UNC5C: variants seen among roughly 807,000 people sequenced by gnomAD.
UNC5C encodes unc-5 netrin receptor C.
In UNC5C, 47 loss-of-function variants were observed where a neutral mutation model predicts 99.8. That is an observed-to-expected ratio of 0.47 (90% confidence interval 0.37 to 0.60). UNC5C has a LOEUF of 0.60. Ranked by LOEUF, UNC5C falls within the 20% of genes least tolerant of loss-of-function variation. The probability of loss-of-function intolerance (pLI) is 0.00; values close to 1 mark genes in which losing one functional copy is unlikely to be tolerated. For synonymous variants in UNC5C, 487 were observed against 452.2 expected (o/e 1.08, Z -0.98); for missense variants, 1,062 against 1,165.9 (o/e 0.91, Z 1.30).
intron 1 of UNC5C, among the ~76,000 whole-genome samples, chr4:95,453,454 C>T (rs553900547): frequency 1.0e-4 from 15 of 146,322 alleles, no homozygotes; most frequent in East Asian, 8.0e-4. Context: ...AATCAGACAT[C>T]GGGAGGAAAA....
chr4:95,172,887 C>T (rs1304664948), intron 14 of UNC5C, among the ~76,000 whole-genome samples: 2 of 152,070 alleles, frequency 1.3e-5, no homozygotes, highest in Non-Finnish European at 2.9e-5. Flanking sequence ...GAATGTTGTT[C>T]CATTTGTTTG....
In UNC5C at chr4:95,206,758, A is replaced by C; in HGVS notation, c.1772T>G (p.Val591Gly). 1 of 1,613,152 alleles carries C rather than the reference A, an allele frequency of 6.2e-7. No homozygotes were observed. The highest frequency in any genetic ancestry group is 8.5e-7 in the Non-Finnish European group (1 of 1,179,582). Residue 591 changes from valine (V) to glycine (G), a missense_variant, in exon 11 of 16, where the codon GTG (valine) becomes GGG (glycine). By Grantham distance (109) the Val-to-Gly change is moderately radical (BLOSUM62 -3). This residue lies in a region of UNC5C where 810 missense variants were observed against 854.5 expected (regional missense o/e 0.95). Coordinates refer to ENST00000453304, the MANE Select transcript of UNC5C (RefSeq NM_003728.4). ...MDDSQTLLTPVVSCGPPGALL... is the reference protein window; with the variant it reads ...MDDSQTLLTPGVSCGPPGALL... ...AGCTCCTGGGGGCCCACAGCTCACCACAGGGGTCAAAAGTGTCTGAGAGTC... is the reference window on the plus strand; with the variant it reads ...AGCTCCTGGGGGCCCACAGCTCACCCCAGGGGTCAAAAGTGTCTGAGAGTC...
At chr4:95,427,240 C>T (rs1232436543) in intron 1 of UNC5C, among the ~76,000 whole-genome samples, 3 of 152,084 alleles carry the variant, frequency 2.0e-5, no homozygotes, top group Non-Finnish European at 4.4e-5. Flanking sequence ...AAAGTAGTTT[C>T]CAGTGGAATC....
At chr4:95,289,981 G>A (rs1741383530) in intron 3 of UNC5C, among the ~76,000 whole-genome samples, 1 of 152,038 alleles carries the variant, frequency 6.6e-6, no homozygotes, top group East Asian at 1.9e-4. Context: ...CTCTTATTGT[G>A]GTTTGTAAAT....
At chr4:95,283,638 A>G (rs1002377859) in intron 3 of UNC5C, among the ~76,000 whole-genome samples, 3 of 152,240 alleles carry the variant, frequency 2.0e-5, no homozygotes, top group African/African-American at 7.2e-5. Flanking sequence ...ACGAATGAAT[A>G]AGAATGAAAA....
chr4:95,526,383 A>G (rs1365026237), intron 1 of UNC5C, among the ~76,000 whole-genome samples: 1 of 152,088 alleles, frequency 6.6e-6, no homozygotes, highest in Non-Finnish European at 1.5e-5. Context: ...CTGTAGATAG[A>G]CAGACATGTA....
At chr4:95,368,311 C>A (rs71601271) in intron 1 of UNC5C, among the ~76,000 whole-genome samples, 26,630 of 103,798 alleles carry the variant, frequency 0.26, 2,349 homozygotes, top group African/African-American at 0.34. Context: ...AAAAAAAAAA[C>A]CAATCAATTT....
At chr4:95,465,170 T>G (rs1184291517) in intron 1 of UNC5C, among the ~76,000 whole-genome samples, 2 of 152,020 alleles carry the variant, frequency 1.3e-5, no homozygotes, top group Non-Finnish European at 2.9e-5. Flanking sequence ...AATAAAAAAT[T>G]TAAAACAAAC....
intron 1 of UNC5C, among the ~76,000 whole-genome samples, chr4:95,467,482 T>A (rs778715724): frequency 6.6e-6 from 1 of 152,170 alleles, no homozygotes; most frequent in Admixed American, 6.5e-5. Context: ...TCTTTTCACA[T>A]TATCACTGGA....
intron 1 of UNC5C, among the ~76,000 whole-genome samples, chr4:95,479,616 T>G (rs1213072803): frequency 6.6e-6 from 1 of 151,960 alleles, no homozygotes; most frequent in Non-Finnish European, 1.5e-5. Context: ...TGAACCATCT[T>G]TCGCAGAAAG....
At chr4:95,271,816 T>A (rs1346775917) in intron 4 of UNC5C, among the ~76,000 whole-genome samples, 2 of 152,202 alleles carry the variant, frequency 1.3e-5, no homozygotes, top group Non-Finnish European at 2.9e-5. Flanking sequence ...AAACTCCAAA[T>A]CACTTACCGT....
chr4:95,311,081 G>A (rs1294186862), intron 2 of UNC5C, among the ~76,000 whole-genome samples: 1 of 151,980 alleles, frequency 6.6e-6, no homozygotes, highest in African/African-American at 2.4e-5. Flanking sequence ...TGAATGGTGG[G>A]TGTGCAAAAT....
chr4:95,228,864 A>C (rs1490622334), intron 7 of UNC5C, among the ~76,000 whole-genome samples: 2 of 152,166 alleles, frequency 1.3e-5, no homozygotes, highest in Non-Finnish European at 2.9e-5. Flanking sequence ...CCTTTACATG[A>C]AAAAAATTTC....
At chr4:95,213,236 A>G (rs1220562268) in intron 10 of UNC5C, among the ~76,000 whole-genome samples, 1 of 152,220 alleles carries the variant, frequency 6.6e-6, no homozygotes, top group East Asian at 1.9e-4. Context: ...TCATATCTTC[A>G]ATTCCAATTG....
Position 95,335,651 on chromosome 4 carries a change from T to C in UNC5C, c.125-20A>G, listed in dbSNP as rs763780902. ...CATCATCTGAGAAAGAAGAAGAAAG[T>C]GGAAGATGGTTAACACATTGTAACA... On this transcript the variant is annotated intron_variant, in intron 1 of 15. Coordinates refer to ENST00000453304, the MANE Select transcript of UNC5C (RefSeq NM_003728.4). 5.0e-6 allele frequency: 8 copies of C among 1,587,978 alleles called. No homozygotes were observed. In the South Asian group the frequency reaches 9.1e-5, roughly 18 times the overall value.
At chr4:95,201,886 G>A (rs1329236163) in intron 12 of UNC5C, among the ~76,000 whole-genome samples, 1 of 152,166 alleles carries the variant, frequency 6.6e-6, no homozygotes, top group East Asian at 1.9e-4. Context: ...TTACAGGCGT[G>A]AGCCACCACA....
intron 1 of UNC5C, among the ~76,000 whole-genome samples, chr4:95,461,948 G>T (rs77901263): frequency 1.3e-5 from 2 of 152,134 alleles, no homozygotes; most frequent in South Asian, 2.1e-4. Flanking sequence ...TTATCTTGTG[G>T]TTATATGATT....
intron 3 of UNC5C, among the ~76,000 whole-genome samples, chr4:95,296,339 G>T (rs755853990): frequency 7.9e-4 from 120 of 152,036 alleles, no homozygotes; most frequent in Non-Finnish European, 1.3e-3. Context: ...AGGGTGAAAA[G>T]GTACCTTGGA....
rs371977839 is a variant in UNC5C at position 95,250,509 on chromosome 4, T to C, written c.753A>G (p.Thr251=). ...AKNIVAKRKS[T]TATVIVYVNG... ...CACCATAGACTATGACAGTGGCAGT[T>C]GTACTTTTCCTCTTGGCAACAATGT... Residue 251 remains threonine, a synonymous_variant, in exon 5 of 16, where the codon ACA becomes ACG. Coordinates refer to ENST00000453304, the MANE Select transcript of UNC5C (RefSeq NM_003728.4). 8.7e-6 allele frequency: 14 copies of C among 1,613,914 alleles called. No homozygotes were observed. The highest frequency in any genetic ancestry group is 1.2e-5 in the Non-Finnish European group (14 of 1,179,968).
Sources: allele counts gnomAD v4.1 joint callset (sites outside exome capture counted in the v4.1 genomes callset), GRCh38; gene constraint gnomAD v4.1.1; regional missense constraint gnomAD v4.1.1; transcripts MANE v1.5; gene names NCBI Gene and HGNC (gene_info 2026-07-23, HGNC 2026-07-21).